ATP12A: variants seen among roughly 807,000 people sequenced by gnomAD.
ATP12A encodes ATPase H+/K+ transporting non-gastric alpha2 subunit, also known as potassium-transporting ATPase alpha chain 2.
ATP12A carries 81 observed loss-of-function variants against 111.2 expected under a neutral mutation model. That is an observed-to-expected ratio of 0.73 (90% CI 0.61 to 0.88). ATP12A has a LOEUF of 0.88. Among genes scored for constraint, ATP12A ranks in the 40% least tolerant of loss-of-function variants. The pLI is 0.00. For missense variants in ATP12A, 1,196 were observed against 1,313.1 expected, an observed-to-expected ratio of 0.91 and a Z score of 1.38; for synonymous variants, 498 against 499.8, an observed-to-expected ratio of 1.00 and a Z score of 0.05.
At chr13:24,707,212 C>G (rs984937514) in intron 16 of ATP12A, 21 bp downstream of exon 16, 2 of 1,612,984 alleles carry the variant, frequency 1.2e-6, no homozygotes, top group African/African-American at 2.7e-5. Flanking sequence ...CTCAGGGGGT[C>G]TTCCCAAGGG....
At chr13:24,682,068 GTA>G (rs1369062590) in intron 2 of ATP12A, among the ~76,000 whole-genome samples, 9 of 129,832 alleles carry the variant, frequency 6.9e-5, no homozygotes, top group Non-Finnish European at 9.8e-5. Context: ...TGGTGTGTGT[GTA>G]TGGTGTGTGT....
rs1406071671 is a variant in ATP12A, at chr13:24,711,368, A to G, written c.3050A>G (p.Tyr1017Cys). 6.2e-7 allele frequency: 1 copy of G among 1,611,434 alleles called. No individual in the cohort carries two copies. The highest frequency in any genetic ancestry group is 2.2e-5 in the East Asian group (1 of 44,878). The change falls in exon 22 of 23, where the codon TAT (tyrosine) becomes TGT (cysteine). Residue 1017 changes from tyrosine to cysteine, a missense_variant. Physicochemically the swap from Tyr to Cys is radical, Grantham distance 194. Around this residue, in one of 3 missense-constraint regions of ATP12A, gnomAD observed 1,126 missense variants for 1,228.5 expected, o/e 0.92. Coordinates refer to ENST00000381946, the MANE Select transcript of ATP12A (RefSeq NM_001676.7). ...CCGCACGCCATCCTGATCTGGGTGT[A>G]TGATGAGGTGCGGAAGCTCTTCATC... is the stretch of plus-strand genomic sequence containing the variant. ...AVPHAILIWV[Y>C]DEVRKLFIRL...
chr13:24,690,759 G>C, intron 7 of ATP12A, 38 bp downstream of exon 7: 5 of 1,571,242 alleles, frequency 3.2e-6, no homozygotes, highest in Non-Finnish European at 4.3e-6. Context: ...ATGTCCACCT[G>C]TGTCCTTTCT....
Position 24,688,522 on chromosome 13 carries a change from C to A in ATP12A, c.432C>A (p.Asn144Lys). The A allele has an allele frequency of 6.3e-7, 1 of 1,577,052 alleles. No individual in the cohort carries two copies. The highest frequency in any genetic ancestry group is 1.2e-5 in the South Asian group (1 of 84,590). ...GCGACAAGTCTGCATCCCTGAACAA[C>A]GTAAGGCTCTGGGGTGTCCCCTCCT... is the stretch of plus-strand genomic sequence containing the variant. ...YSSDKSASLN[N>K]VYLGCVLGLV... The change falls in exon 4 of 23, where the codon AAC (asparagine) becomes AAA (lysine). Residue 144 changes from asparagine (N) to lysine (K), a missense_variant and splice_region_variant. Coordinates refer to ENST00000381946, the MANE Select transcript of ATP12A (RefSeq NM_001676.7).
chr13:24,689,900 T>C (rs1874808677), intron 5 of ATP12A, among the ~76,000 whole-genome samples: 1 of 151,994 alleles, frequency 6.6e-6, no homozygotes, highest in South Asian at 2.1e-4. Context: ...CTCGTTAAAA[T>C]TTCCCTGACA....
At chr13:24,697,137 C>T (rs750655520) in intron 11 of ATP12A, among the ~76,000 whole-genome samples, 1 of 152,174 alleles carries the variant, frequency 6.6e-6, no homozygotes, top group African/African-American at 2.4e-5. Flanking sequence ...CAGATAGCCA[C>T]CTATTGCTCA....
intron 14 of ATP12A, among the ~76,000 whole-genome samples, chr13:24,703,398 A>G (rs1237286643): frequency 6.6e-6 from 1 of 151,626 alleles, no homozygotes; most frequent in African/African-American, 2.4e-5. Flanking sequence ...GCCCGCCACC[A>G]TGCCTGGCTA....
At chr13:24,680,816 G>A in intron 1 of ATP12A, 64 bp downstream of exon 1, 1 of 1,434,532 alleles carries the variant, frequency 7.0e-7, no homozygotes, top group South Asian at 1.4e-5. Flanking sequence ...GGGGACCGGA[G>A]CAGGCTGACG....
chr13:24,683,518 G>GC, intron 2 of ATP12A, among the ~76,000 whole-genome samples: 1 of 152,294 alleles, frequency 6.6e-6, no homozygotes, highest in East Asian at 1.9e-4. Flanking sequence ...TGAGAAATCA[G>GC]CAAACTCTAC....
intron 14 of ATP12A, among the ~76,000 whole-genome samples, chr13:24,705,271 C>T (rs1875577344): frequency 6.6e-6 from 1 of 152,186 alleles, no homozygotes; most frequent in South Asian, 2.1e-4. Flanking sequence ...CCTTAGGGTA[C>T]AGGGGATGGA....
chr13:24,692,959 G>C (rs1874978056), intron 10 of ATP12A, 63 bp downstream of exon 10: 1 of 1,443,592 alleles, frequency 6.9e-7, no homozygotes, highest in Non-Finnish European at 9.7e-7. Flanking sequence ...GCTGAGGTCT[G>C]ATTGGGTGCT....
chr13:24,681,419 A>T, intron 1 of ATP12A, 143 bp from the exon 2 acceptor site: 1 of 997,772 alleles, frequency 1.0e-6, no homozygotes, highest in Non-Finnish European at 1.5e-6. Flanking sequence ...CCACTGTCCG[A>T]CTCCCTCCGG....
chr13:24,681,745 C>A (rs762928253), intron 2 of ATP12A, 25 bp downstream of exon 2: 1 of 1,613,716 alleles, frequency 6.2e-7, no homozygotes, highest in Admixed American at 1.7e-5. Flanking sequence ...GCCACGGGGT[C>A]CTGCCGGCTA....
In ATP12A at chr13:24,692,453, C is replaced by A. The variant is rs752833147; in HGVS notation, c.1093C>A (p.Arg365=). 1.9e-6 allele frequency: 3 copies of A among 1,614,000 alleles called. No homozygotes were observed. In the East Asian group the frequency reaches 6.7e-5, roughly 36 times the overall value. ...VTVTLSLTAK[R]MAKKNCLVKN... ...GGTGACCCTGTCGCTGACAGCAAAACGGATGGCCAAGAAGAACTGCCTGGT... is the reference window on the plus strand; with the variant it reads ...GGTGACCCTGTCGCTGACAGCAAAAAGGATGGCCAAGAAGAACTGCCTGGT... Residue 365 remains arginine, a synonymous_variant, in exon 9 of 23, where the codon CGG becomes AGG. Coordinates refer to ENST00000381946, the MANE Select transcript of ATP12A (RefSeq NM_001676.7).
At chr13:24,701,539 G>T (rs1352784235) in intron 13 of ATP12A, among the ~76,000 whole-genome samples, 1 of 147,290 alleles carries the variant, frequency 6.8e-6, no homozygotes, top group African/African-American at 2.5e-5. Context: ...GAAAAGAAAA[G>T]AAAAAAAGAA....
At chr13:24,707,566 T>C in intron 17 of ATP12A, 133 bp downstream of exon 17, 1 of 1,225,118 alleles carries the variant, frequency 8.2e-7, no homozygotes, top group Non-Finnish European at 1.1e-6. Context: ...CCTGTAGCTC[T>C]GCATTTCTCA....
intron 14 of ATP12A, 69 bp from the exon 15 acceptor site, chr13:24,706,244 C>T: frequency 1.3e-6 from 2 of 1,562,742 alleles, no homozygotes; most frequent in Non-Finnish European, 8.7e-7. Flanking sequence ...AGCCAGCATC[C>T]TGCCTGGAAC....
chr13:24,692,648 G>T (rs1213412772), intron 9 of ATP12A, 21 bp downstream of exon 9: 2 of 1,606,302 alleles, frequency 1.2e-6, no homozygotes, highest in Non-Finnish European at 1.7e-6. Context: ...TGGAGAGCTC[G>T]GTCTGGCCAA....
At chr13:24,699,318 G>C (rs946385413) in intron 12 of ATP12A, among the ~76,000 whole-genome samples, 1 of 152,168 alleles carries the variant, frequency 6.6e-6, no homozygotes, top group African/African-American at 2.4e-5. Flanking sequence ...TCAGTAGAGA[G>C]CACTGAGGGC....
Sources: allele counts gnomAD v4.1 joint callset (sites outside exome capture counted in the v4.1 genomes callset), GRCh38; gene constraint gnomAD v4.1.1; regional missense constraint gnomAD v4.1.1; transcripts MANE v1.5; gene names NCBI Gene and HGNC (gene_info 2026-07-23, HGNC 2026-07-21).